CAMK1D: variants seen among roughly 807,000 people sequenced by gnomAD.
CAMK1D encodes the protein calcium/calmodulin-dependent protein kinase type 1D.
CAMK1D carries 9 observed loss-of-function variants against 47.7 expected under a neutral mutation model. The ratio of observed to expected loss-of-function variants is 0.19; its 90% CI spans 0.11 to 0.33. CAMK1D has a LOEUF of 0.33. CAMK1D is among the 10% of genes least tolerant of loss of function. The pLI, the probability that CAMK1D is intolerant of heterozygous loss-of-function variation, is 1.00. For missense variants in CAMK1D, 291 were observed against 488.7 expected, an observed-to-expected ratio of 0.60 and a Z score of 3.81; for synonymous variants, 184 against 184.9, an observed-to-expected ratio of 0.99 and a Z score of 0.04.
chr10:12,349,690 T>G lies in CAMK1D; in HGVS notation c.-129T>G, dbSNP rs1324654279. 5.2e-5 allele frequency: 9 copies of G among 171,670 alleles called. No homozygotes were observed. Among genetic ancestry groups the G allele is most frequent in the Non-Finnish European group, 1.1e-4 (9 of 82,154 alleles). 10.6% of individuals were successfully genotyped at this position (171,670 alleles called of 1,614,324 possible). On this transcript the variant is annotated 5_prime_UTR_variant, in exon 1 of 11. Coordinates refer to ENST00000619168, the MANE Select transcript of CAMK1D (RefSeq NM_153498.4). ...CGGCGGCGAGAGCGAAAGAGGAAAC[T>G]GCAGAGGAGGAAGCTGCGCCGCAGC... is the stretch of plus-strand genomic sequence containing the variant.
Position 12,754,494 on chromosome 10 carries a change from G to GA in CAMK1D, c.300-6449dup, listed in dbSNP as rs1263271903. Among the ~76,000 whole-genome samples, 3 of 152,186 alleles carry GA rather than the reference G, an allele frequency of 2.0e-5. No individual in the cohort carries two copies. The South Asian group carries it at 6.2e-4, about 32-fold the overall frequency. On this transcript the variant is annotated intron_variant, in intron 3 of 10. Transcript: ENST00000619168. Reference sequence around the variant, plus strand: ...GGTGGGTTTTCCCCAATAAACCTGGGAAAAATATATAAAGAGAATGTATAT... The same window carrying GA: ...GGTGGGTTTTCCCCAATAAACCTGGGAAAAAATATATAAAGAGAATGTATAT...
intron 3 of CAMK1D, among the ~76,000 whole-genome samples, chr10:12,702,273 C>A (rs532525040): frequency 6.6e-6 from 1 of 152,194 alleles, no homozygotes; most frequent in African/African-American, 2.4e-5. Context: ...CTGAGGTCAA[C>A]CTCGAGGAGG....
At chr10:12,684,014 T>C (rs1832555439) in intron 3 of CAMK1D, among the ~76,000 whole-genome samples, 1 of 152,064 alleles carries the variant, frequency 6.6e-6, no homozygotes, top group Non-Finnish European at 1.5e-5. Context: ...CGTTAAAACA[T>C]ACAAATTAGG....
chr10:12,683,435 A>G, intron 3 of CAMK1D, among the ~76,000 whole-genome samples: 1 of 152,162 alleles, frequency 6.6e-6, no homozygotes, highest in East Asian at 1.9e-4. Flanking sequence ...CAATTTATCA[A>G]TTCATAAATT....
chr10:12,528,543 C>G (rs749786152), intron 1 of CAMK1D, among the ~76,000 whole-genome samples: 27 of 152,098 alleles, frequency 1.8e-4, no homozygotes, highest in Non-Finnish European at 3.7e-4. Flanking sequence ...CCCACATATT[C>G]AAATATTGGA....
At chr10:12,817,220 C>T (rs926953660) in intron 8 of CAMK1D, among the ~76,000 whole-genome samples, 7 of 152,348 alleles carry the variant, frequency 4.6e-5, no homozygotes, top group African/African-American at 1.7e-4. Context: ...AGCCAAACCA[C>T]ATCAGTATGC....
intron 1 of CAMK1D, among the ~76,000 whole-genome samples, chr10:12,362,298 A>G (rs1219526394): frequency 6.6e-6 from 1 of 152,088 alleles, no homozygotes; most frequent in African/African-American, 2.4e-5. Context: ...CATCTGTCTC[A>G]GTGAATTTGG....
chr10:12,570,680 C>CAAA (rs35160242), intron 2 of CAMK1D, among the ~76,000 whole-genome samples: 130 of 84,536 alleles, frequency 1.5e-3, no homozygotes, highest in African/African-American at 4.7e-3. Context: ...AACTCCATCT[C>CAAA]AAAAAAAAAA....
At chr10:12,569,722 CAAAA>C (rs56335336) in intron 2 of CAMK1D, among the ~76,000 whole-genome samples, 1 of 71,468 alleles carries the variant, frequency 1.4e-5, no homozygotes, top group African/African-American at 6.4e-5. Context: ...GACTCCGTCT[CAAAA>C]AAAAAAAAAA....
chr10:12,742,848 C>G (rs1024951205), intron 3 of CAMK1D, among the ~76,000 whole-genome samples: 1 of 152,160 alleles, frequency 6.6e-6, no homozygotes, highest in Non-Finnish European at 1.5e-5. Context: ...GAGCTCCATG[C>G]TTTAGAGTTC....
chr10:12,684,556 A>T (rs1015091496), intron 3 of CAMK1D, among the ~76,000 whole-genome samples: 7 of 152,222 alleles, frequency 4.6e-5, no homozygotes, highest in African/African-American at 1.7e-4. Flanking sequence ...AAATACTAAA[A>T]GGCATCCAAA....
intron 1 of CAMK1D, among the ~76,000 whole-genome samples, chr10:12,552,780 C>T (rs948802737): frequency 5.3e-5 from 8 of 152,164 alleles, no homozygotes; most frequent in African/African-American, 9.7e-5. Flanking sequence ...CTTGCTCTGT[C>T]GCCCAGGCTG....
intron 3 of CAMK1D, chr10:12,760,564 G>A (rs1444245457): frequency 1.2e-5 from 2 of 164,050 alleles, no homozygotes; most frequent in African/African-American, 4.8e-5. Flanking sequence ...AACACTCTCG[G>A]TCATTTAAGG....
At position 12,702,444 on chromosome 10, in the gene CAMK1D, C is replaced by T. The variant is rs115612924; in HGVS notation, c.299+35634C>T. Among the ~76,000 whole-genome samples the T allele has an allele frequency of 6.8e-3, 1,040 of 152,248 alleles. 18 individuals are homozygous for T. Among genetic ancestry groups the T allele is most frequent in the African/African-American group, 0.024 (981 of 41,534 alleles). On this transcript the variant is annotated intron_variant, in intron 3 of 10. Transcript: ENST00000619168. The stretch of plus-strand genomic sequence containing the variant: ...GACACTCTTGAGAGCTACTTGAAGA[C>T]GGGCTCCATCTGTGCCTCTTGAAAC...
At chr10:12,474,348 C>T (rs987714959) in intron 1 of CAMK1D, among the ~76,000 whole-genome samples, 12 of 151,910 alleles carry the variant, frequency 7.9e-5, no homozygotes, top group African/African-American at 2.2e-4. Context: ...CCCACCACCA[C>T]GCCTGCCTAA....
chr10:12,586,311 C>A (rs1161677705), intron 2 of CAMK1D, among the ~76,000 whole-genome samples: 1 of 152,008 alleles, frequency 6.6e-6, no homozygotes. Flanking sequence ...CTGAAGACAT[C>A]TGGCCTCCTC....
intron 2 of CAMK1D, 66 bp from the exon 3 acceptor site, chr10:12,666,670 G>A (rs1050972632): frequency 7.8e-7 from 1 of 1,277,694 alleles, no homozygotes; most frequent in Non-Finnish European, 1.1e-6. Flanking sequence ...CTACAATGCT[G>A]TCTGTTTTGA....
At chr10:12,651,416 G>A (rs574376498) in intron 2 of CAMK1D, among the ~76,000 whole-genome samples, 3 of 152,250 alleles carry the variant, frequency 2.0e-5, no homozygotes, top group African/African-American at 4.8e-5. Context: ...TTTTGAAATG[G>A]AGTCTCACTC....
chr10:12,482,012 A>G (rs1834079149), intron 1 of CAMK1D, among the ~76,000 whole-genome samples: 1 of 152,340 alleles, frequency 6.6e-6, no homozygotes, highest in East Asian at 1.9e-4. Flanking sequence ...TTCGTGATCC[A>G]TCACATCTTT....
Sources: allele counts gnomAD v4.1 joint callset (sites outside exome capture counted in the v4.1 genomes callset), GRCh38; gene constraint gnomAD v4.1.1; transcripts MANE v1.5; gene names NCBI Gene and HGNC (gene_info 2026-07-23, HGNC 2026-07-21).